The following CCDC141 variants were observed in gnomAD, a reference collection of about 807,000 sequenced individuals.
CCDC141 encodes coiled-coil domain containing 141.
Under a neutral mutation model 181.0 loss-of-function variants are expected in CCDC141, and 168 were observed. That is an observed-to-expected ratio of 0.93 (90% CI 0.82 to 1.05). The LOEUF (loss-of-function observed/expected upper bound fraction) is 1.05. CCDC141 is among the 50% of genes least tolerant of loss of function. CCDC141 has a pLI of 0.00. For missense variants in CCDC141, 1,902 were observed against 1,788.5 expected (o/e 1.06, Z -1.14); for synonymous variants, 666 against 642.3 (o/e 1.04, Z -0.56).
At chr2:178,892,688 CA>C (rs1224587501) in intron 8 of CCDC141, among the ~76,000 whole-genome samples, 9 of 152,120 alleles carry the variant, frequency 5.9e-5, no homozygotes, top group African/African-American at 2.2e-4. Flanking sequence ...GTGGTCTGAT[CA>C]AAAGAAAGGT....
chr2:179,007,201 G>A (rs2042143169), intron 2 of CCDC141, among the ~76,000 whole-genome samples: 1 of 152,176 alleles, frequency 6.6e-6, no homozygotes, highest in Non-Finnish European at 1.5e-5. Flanking sequence ...GCTTGGTGTA[G>A]CTGACTGGCC....
In CCDC141 at chr2:179,015,792, A is replaced by C. The variant is rs2042510491; in HGVS notation, c.225+31492T>G. Reference sequence around the variant, plus strand: ...TATATATCTCATATATGTATCATATATATCTCATATATGTATCATATATAT... The same window carrying C: ...TATATATCTCATATATGTATCATATCTATCTCATATATGTATCATATATAT... On this transcript the variant is annotated intron_variant, in intron 2 of 23. Coordinates refer to ENST00000443758, the MANE Select transcript of CCDC141 (RefSeq NM_173648.4). 4.2e-5 allele frequency among the ~76,000 whole-genome samples: 6 copies of C among 142,492 alleles called. 1 individual carries two copies. In the Admixed American group the frequency reaches 4.4e-4, roughly 10 times the overall value. 93.5% of individuals were successfully genotyped at this position (142,492 alleles called of 152,430 possible).
intron 11 of CCDC141, among the ~76,000 whole-genome samples, chr2:178,880,610 T>C (rs1575163222): frequency 6.6e-6 from 1 of 152,232 alleles, no homozygotes; most frequent in Admixed American, 6.5e-5. Flanking sequence ...AGGGAAAGAA[T>C]TGGGGATTAA....
At chr2:178,890,573 T>C (rs1687099702) in intron 8 of CCDC141, among the ~76,000 whole-genome samples, 1 of 152,184 alleles carries the variant, frequency 6.6e-6, no homozygotes, top group African/African-American at 2.4e-5. Flanking sequence ...CTAGCCATGA[T>C]GTCTCAGGTA....
chr2:179,031,518 C>G (rs1161419988), intron 2 of CCDC141, among the ~76,000 whole-genome samples: 1 of 151,800 alleles, frequency 6.6e-6, no homozygotes, highest in African/African-American at 2.4e-5. Context: ...TTCCATCATT[C>G]TGCTTGCTCT....
rs1374544523 is a variant in CCDC141 at position 178,831,726 on chromosome 2, G to A, written c.*2447C>T. ...AAAACATAACCAGAAGAATAACTGC[G>A]TAATTATTCTTTACTGCTGTGGGAG... On this transcript the variant is annotated 3_prime_UTR_variant, in exon 24 of 24. Transcript: ENST00000443758. 3 of 152,146 alleles carry A rather than the reference G, an allele frequency of 2.0e-5. No homozygotes were observed. Among genetic ancestry groups the A allele is most frequent in the Admixed American group, 6.6e-5 (1 of 15,256 alleles). The allele number at this position is 152,146 out of a possible 1,614,324, so 9.4% of individuals were successfully genotyped here.
At chr2:178,869,412 A>T (rs530853393) in intron 14 of CCDC141, 107 bp from the exon 15 acceptor site, 5 of 791,056 alleles carry the variant, frequency 6.3e-6, no homozygotes, top group Non-Finnish European at 9.4e-6. Flanking sequence ...ATTTGTTAAC[A>T]AATACTTATT....
At chr2:178,969,104 CAAAAAA>C (rs55999054) in intron 4 of CCDC141, among the ~76,000 whole-genome samples, 5 of 51,194 alleles carry the variant, frequency 9.8e-5, no homozygotes, top group Admixed American at 5.4e-4. Context: ...GCTTACCAAC[CAAAAAA>C]AAAAAAAAAA....
intron 10 of CCDC141, among the ~76,000 whole-genome samples, chr2:178,885,502 TATTA>T (rs1686839739): frequency 6.6e-6 from 1 of 152,246 alleles, no homozygotes; most frequent in Admixed American, 6.5e-5. Context: ...AAAACTTATT[TATTA>T]GTTTTTAATT....
chr2:178,852,797 A>G (rs1281331320), intron 20 of CCDC141, among the ~76,000 whole-genome samples: 2 of 152,136 alleles, frequency 1.3e-5, no homozygotes, highest in African/African-American at 4.8e-5. Context: ...CTCAAGAACT[A>G]TCATCCTCCA....
At chr2:178,932,446 T>C (rs1384315731) in intron 6 of CCDC141, among the ~76,000 whole-genome samples, 1 of 152,230 alleles carries the variant, frequency 6.6e-6, no homozygotes, top group East Asian at 1.9e-4. Flanking sequence ...TAAGATGCTA[T>C]ATGTTGCCAC....
chr2:178,837,732 C>T lies in CCDC141; in HGVS notation c.3487G>A (p.Val1163Met). ...CCATTGATGCCCAAAAGATCTGCCA[C>T]CTGCACCTGCCCCTTGAAAAAAGAA... ...NEERNKGQVQ[V>M]ADLLGINGTG... The change falls in exon 23 of 24, where the codon GTG becomes ATG. Residue 1163 changes from valine to methionine, a missense_variant. By Grantham distance (21) the Val-to-Met change is conservative. Transcript: ENST00000443758. 1.2e-6 allele frequency: 2 copies of T among 1,607,332 alleles called. No individual in the cohort carries two copies. The highest frequency in any genetic ancestry group is 2.2e-5 in the East Asian group (1 of 44,824).
intron 4 of CCDC141, among the ~76,000 whole-genome samples, chr2:178,966,560 A>T (rs1375093044): frequency 6.6e-6 from 1 of 152,216 alleles, no homozygotes; most frequent in African/African-American, 2.4e-5. Context: ...ACAAACAGAA[A>T]GGAACAGCAC....
At chr2:178,860,662 A>C (rs974912254) in intron 17 of CCDC141, among the ~76,000 whole-genome samples, 1 of 142,034 alleles carries the variant, frequency 7.0e-6, no homozygotes, top group Non-Finnish European at 1.5e-5. Flanking sequence ...CAATTGTAGA[A>C]TATTCAGACT....
rs115040079 is a variant in CCDC141 at position 178,905,273 on chromosome 2, G to A, written c.1265+56C>T. ...CAATCATGCATCTTATTTTTAGCAC[G>A]TTGTGGAAACTGTGAAAAAGCTTGT... On this transcript the variant is annotated intron_variant, in intron 8 of 23. Coordinates refer to ENST00000443758, the MANE Select transcript of CCDC141 (RefSeq NM_173648.4). 1.2e-3 allele frequency: 1,750 copies of A among 1,425,946 alleles called. 16 individuals are homozygous for A. In the African/African-American group the frequency reaches 0.022, roughly 18 times the overall value. 88.3% of individuals were successfully genotyped at this position (1,425,946 alleles called of 1,614,324 possible).
At chr2:178,931,547 GT>G (rs1489402118) in intron 6 of CCDC141, among the ~76,000 whole-genome samples, 1 of 152,108 alleles carries the variant, frequency 6.6e-6, no homozygotes, top group Non-Finnish European at 1.5e-5. Context: ...AACATGCAAA[GT>G]GAAAGAATTC....
rs746119182 is a variant in CCDC141, at chr2:178,918,846, T to A, written c.959A>T (p.Asp320Val). ...SEALRILLSKDYVEKEHLQLS... is the reference protein window; with the variant it reads ...SEALRILLSKVYVEKEHLQLS... The stretch of plus-strand genomic sequence containing the variant: ...CTGGAGGTGTTCTTTCTCCACGTAG[T>A]CCTTTGACAGCAGAATTCTCAGTGC... The change falls in exon 7 of 24, where the codon GAC becomes GTC. Residue 320 changes from aspartate (D) to valine (V), a missense_variant. Asp to Val is a radical substitution (Grantham distance 152). Transcript: ENST00000443758. 37 of 1,550,534 alleles carry A rather than the reference T, an allele frequency of 2.4e-5. No individual in the cohort carries two copies. The highest frequency in any genetic ancestry group is 3.5e-6 in the Non-Finnish European group (4 of 1,146,996).
intron 7 of CCDC141, among the ~76,000 whole-genome samples, chr2:178,910,526 G>A (rs1688175616): frequency 6.6e-6 from 1 of 152,152 alleles, no homozygotes; most frequent in Admixed American, 6.5e-5. Flanking sequence ...TTTCCCTTAG[G>A]TTCTGTTACA....
intron 2 of CCDC141, among the ~76,000 whole-genome samples, chr2:178,997,980 A>T (rs957093237): frequency 2.0e-5 from 3 of 152,142 alleles, no homozygotes; most frequent in African/African-American, 7.2e-5. Flanking sequence ...TTCCCCATGG[A>T]TGATCATCAA....
Sources: allele counts gnomAD v4.1 joint callset (sites outside exome capture counted in the v4.1 genomes callset), GRCh38; gene constraint gnomAD v4.1.1; transcripts MANE v1.5; gene names NCBI Gene and HGNC (gene_info 2026-07-23, HGNC 2026-07-21).